Variants in KMT2C observed in about 807,000 individuals in gnomAD.
KMT2C encodes histone-lysine N-methyltransferase 2C.
KMT2C carries 88 observed loss-of-function variants against 507.9 expected under a neutral mutation model. That is an observed-to-expected ratio of 0.17 (90% CI 0.15 to 0.21). KMT2C has a LOEUF of 0.21. Among genes scored for constraint, KMT2C ranks in the 10% least tolerant of loss-of-function variants. KMT2C has a pLI of 1.00. For missense variants in KMT2C, 4,954 were observed against 5,957.8 expected (o/e 0.83, Z 5.55); for synonymous variants, 2,049 against 2,080.8 (o/e 0.98, Z 0.42).
At chr7:152,143,559 G>GT (rs1563127950) in intron 55 of KMT2C, among the ~76,000 whole-genome samples, 1 of 152,144 alleles carries the variant, frequency 6.6e-6, no homozygotes, top group Non-Finnish European at 1.5e-5. Context: ...GGTCCACACT[G>GT]TGAGATCCTG....
intron 2 of KMT2C, among the ~76,000 whole-genome samples, chr7:152,346,517 A>C (rs2097058800): frequency 1.3e-5 from 2 of 152,240 alleles, no homozygotes. Context: ...AGAGAAATTG[A>C]AAAATATTTT....
intron 3 of KMT2C, among the ~76,000 whole-genome samples, chr7:152,327,968 A>G (rs1429273318): frequency 6.6e-6 from 1 of 151,352 alleles, no homozygotes; most frequent in East Asian, 1.9e-4. Flanking sequence ...AAAAAAAAAA[A>G]AAAAAAAGAA....
At chr7:152,378,512 T>C (rs2097346480) in intron 1 of KMT2C, among the ~76,000 whole-genome samples, 1 of 152,260 alleles carries the variant, frequency 6.6e-6, no homozygotes. Context: ...GAACATTTAA[T>C]AGACTGCAGT....
At chr7:152,185,303 G>T (rs1416103037) in intron 34 of KMT2C, among the ~76,000 whole-genome samples, 1 of 152,110 alleles carries the variant, frequency 6.6e-6, no homozygotes, top group East Asian at 1.9e-4. Context: ...AAAGTGAAAT[G>T]AATTACTCCT....
At chr7:152,373,221 G>C (rs1242936151) in intron 1 of KMT2C, among the ~76,000 whole-genome samples, 1 of 152,088 alleles carries the variant, frequency 6.6e-6, no homozygotes, top group Non-Finnish European at 1.5e-5. Context: ...AAATCCAAAT[G>C]ACTATGGATC....
Position 152,248,340 on chromosome 7 carries a change from G to A in KMT2C, c.2094C>T (p.Thr698=), listed in dbSNP as rs144477034. 1.9e-5 allele frequency: 31 copies of A among 1,613,844 alleles called. No individual in the cohort carries two copies. In the South Asian group the frequency reaches 3.0e-4, roughly 15 times the overall value. ...TACTTTCCTCATGTGGGGACACTAA[G>A]GTTTCTAGTGGAAGAGTGACAGATT... is the stretch of plus-strand genomic sequence containing the variant. ...VMESVTLPLE[T]LVSPHEESIS... Residue 698 remains threonine (T), a synonymous_variant, in exon 14 of 59, where the codon ACC becomes ACT. Coordinates refer to ENST00000262189, the MANE Select transcript of KMT2C (RefSeq NM_170606.3).
rs1275239244 is a variant in KMT2C at position 152,431,843 on chromosome 7, C to CAA, written c.161+3781_161+3782dup. 2.0e-5 allele frequency among the ~76,000 whole-genome samples: 3 copies of CAA among 152,236 alleles called. No homozygotes were observed. In the East Asian group the frequency reaches 5.8e-4, roughly 29 times the overall value. ...TAAAAATTACAAATTTGCATTATCTCAAAAAGCATGAATAATAGTGCTGTC... is the reference window on the plus strand; with the variant it reads ...TAAAAATTACAAATTTGCATTATCTCAAAAAAAGCATGAATAATAGTGCTGTC... On this transcript the variant is annotated intron_variant, in intron 1 of 58. Transcript: ENST00000262189.
intron 1 of KMT2C, among the ~76,000 whole-genome samples, chr7:152,434,022 T>C (rs941705293): frequency 2.6e-5 from 4 of 152,202 alleles, no homozygotes; most frequent in African/African-American, 9.6e-5. Context: ...TTGCAAATAG[T>C]GAAATGGGAG....
At position 152,141,859 on chromosome 7, in the gene KMT2C, A is replaced by C. The variant is rs2090599037; in HGVS notation, c.14344-2068T>G. On this transcript the variant is annotated intron_variant, in intron 55 of 58. Transcript: ENST00000262189. The stretch of plus-strand genomic sequence containing the variant: ...CATGGCAAAACCTCATCTCTAAATA[A>C]ATATTTTTAAAAATTAGCCAAGTAT... Among the ~76,000 whole-genome samples the C allele has an allele frequency of 1.3e-5, 2 of 152,178 alleles. 1 individual carries two copies. Among genetic ancestry groups the C allele is most frequent in the South Asian group, 4.1e-4 (2 of 4,826 alleles).
chr7:152,374,594 T>G (rs545744951), intron 1 of KMT2C, among the ~76,000 whole-genome samples: 11 of 152,034 alleles, frequency 7.2e-5, no homozygotes, highest in Non-Finnish European at 1.2e-4. Flanking sequence ...TCGACACTAG[T>G]AGGAGTGTAA....
intron 42 of KMT2C, among the ~76,000 whole-genome samples, chr7:152,165,190 G>GAT (rs1481573320): frequency 6.6e-6 from 1 of 152,182 alleles, no homozygotes; most frequent in Non-Finnish European, 1.5e-5. Flanking sequence ...CACTATGTGG[G>GAT]ATATATAAGG....
rs746492799 is a variant in KMT2C at position 152,435,848 on chromosome 7, G to GGCCGCC, written c.-68_-63dup. 3 of 1,360,008 alleles carry GGCCGCC rather than the reference G, an allele frequency of 2.2e-6. No homozygotes were observed. The highest frequency in any genetic ancestry group is 3.3e-5 in the South Asian group (2 of 60,136). The allele number at this position is 1,360,008 out of a possible 1,614,324, so 84.2% of individuals were successfully genotyped here. On this transcript the variant is annotated 5_prime_UTR_variant, in exon 1 of 59. Transcript: ENST00000262189. ...CCTCCTGGGGGGCTCCCGCCGCCGC[G>GGCCGCC]GCCGCCGCCGCCGCCGCTGCTGCTC...
intron 31 of KMT2C, among the ~76,000 whole-genome samples, chr7:152,189,052 A>G (rs2093712710): frequency 6.6e-6 from 1 of 152,182 alleles, no homozygotes; most frequent in South Asian, 2.1e-4. Flanking sequence ...TCAGCCCCCA[A>G]ACACATTTGA....
At chr7:152,151,045 G>T in intron 50 of KMT2C, 38 bp from the exon 51 acceptor site, 1 of 1,262,460 alleles carries the variant, frequency 7.9e-7, no homozygotes. Context: ...ATCTCAACAA[G>T]TCAAAATTTA....
chr7:152,181,132 A>G lies in KMT2C; in HGVS notation c.6728T>C (p.Leu2243Pro). 6.2e-7 allele frequency: 1 copy of G among 1,614,182 alleles called. No individual in the cohort carries two copies. The highest frequency in any genetic ancestry group is 8.5e-7 in the Non-Finnish European group (1 of 1,180,036). ...FTRSSMTRPV[L>P]MPNQDPFLQA... The stretch of plus-strand genomic sequence containing the variant: ...CAGGAAAGGATCCTGATTTGGCATG[A>G]GGACTGGTCTTGTCATTGAGGACCT... The change falls in exon 36 of 59, where the codon CTC becomes CCC. Residue 2243 changes from leucine (L) to proline (P), a missense_variant. Transcript: ENST00000262189.
intron 9 of KMT2C, among the ~76,000 whole-genome samples, chr7:152,256,402 C>T (rs925050827): frequency 6.6e-6 from 1 of 151,354 alleles, no homozygotes; most frequent in Non-Finnish European, 1.5e-5. Context: ...CCTGTCTCTA[C>T]AAAAGTAAAA....
Position 152,177,713 on chromosome 7 carries a change from G to A in KMT2C, c.7740C>T (p.Ser2580=), listed in dbSNP as rs753978869. ...QRLPFSAPPG[S]VVEASSNLRH... The stretch of plus-strand genomic sequence containing the variant: ...TCAGATTAGAAGATGCCTCTACAAC[G>A]CTGCCAGGTGGAGCACTGAAAGGCA... Residue 2580 remains serine (S), a synonymous_variant, in exon 38 of 59, where the codon AGC becomes AGT. Transcript: ENST00000262189. The A allele has an allele frequency of 8.7e-6, 14 of 1,613,906 alleles. No homozygotes were observed. Among genetic ancestry groups the A allele is most frequent in the African/African-American group, 2.7e-5 (2 of 74,880 alleles).
chr7:152,188,190 TATA>T (rs2093680494), intron 31 of KMT2C, among the ~76,000 whole-genome samples: 2 of 152,242 alleles, frequency 1.3e-5, no homozygotes. Flanking sequence ...TTCAGTATTT[TATA>T]ATACTTAAAG....
intron 9 of KMT2C, among the ~76,000 whole-genome samples, chr7:152,257,459 A>G (rs1286799971): frequency 6.6e-6 from 1 of 152,206 alleles, no homozygotes; most frequent in East Asian, 1.9e-4. Flanking sequence ...TTGAGTTTTG[A>G]AAGTATACTA....
Sources: allele counts gnomAD v4.1 joint callset (sites outside exome capture counted in the v4.1 genomes callset), GRCh38; gene constraint gnomAD v4.1.1; transcripts MANE v1.5; gene names NCBI Gene and HGNC (gene_info 2026-07-23, HGNC 2026-07-21).